PACRG: variants seen among roughly 807,000 people sequenced by gnomAD.
PACRG encodes the protein parkin coregulated.
A neutral mutation model predicts 29.7 loss-of-function variants in PACRG; 29 were observed. That is an observed-to-expected ratio of 0.98 (90% confidence interval 0.73 to 1.33). The LOEUF (loss-of-function observed/expected upper bound fraction) is 1.33, where lower values mean the gene tolerates loss of function less well. Ranked by LOEUF, PACRG falls within the 40% of genes most tolerant of loss-of-function variation. The probability of loss-of-function intolerance (pLI) is 0.00; values close to 1 mark genes in which losing one functional copy is unlikely to be tolerated. For missense variants in PACRG, 279 were observed against 316.2 expected, an observed-to-expected ratio of 0.88 and a Z score of 0.89; for synonymous variants, 116 against 118.7, an observed-to-expected ratio of 0.98 and a Z score of 0.15.
chr6:162,947,595 CATATATATATATAATCATATATATAT>C (rs1799260139), intron 2 of PACRG, among the ~76,000 whole-genome samples: 2 of 27,988 alleles, frequency 7.1e-5, no homozygotes, highest in South Asian at 1.7e-3. Context: ...TATATATAAT[CATATATATATATAATCATATATATAT>C]ATATATATAT....
chr6:162,796,822 A>G (rs1396565694), intron 1 of PACRG, among the ~76,000 whole-genome samples: 1 of 152,218 alleles, frequency 6.6e-6, no homozygotes, highest in Admixed American at 6.5e-5. Context: ...CCTGAAGCCA[A>G]TGCTAAATGA....
chr6:163,072,096 A>G (rs947632463), intron 3 of PACRG, among the ~76,000 whole-genome samples: 1 of 152,084 alleles, frequency 6.6e-6, no homozygotes, highest in Non-Finnish European at 1.5e-5. Flanking sequence ...TAAGGCCAGT[A>G]TTATCCTGAT....
intron 4 of PACRG, among the ~76,000 whole-genome samples, chr6:163,229,610 T>C (rs926186315): frequency 6.6e-6 from 1 of 152,200 alleles, no homozygotes; most frequent in Non-Finnish European, 1.5e-5. Context: ...AGCACCATCG[T>C]TCCCCTTCAG....
chr6:163,269,501 A>G (rs139188360), intron 4 of PACRG, among the ~76,000 whole-genome samples: 155 of 152,160 alleles, frequency 1.0e-3, no homozygotes, highest in African/African-American at 3.5e-3. Flanking sequence ...GGTTCTTCAC[A>G]TTGTTCTTTG....
intron 4 of PACRG, among the ~76,000 whole-genome samples, chr6:163,144,988 A>G (rs1351515839): frequency 6.6e-6 from 1 of 152,052 alleles, no homozygotes. Flanking sequence ...AGCCCTGCTG[A>G]TGTTGAAAGG....
intron 4 of PACRG, among the ~76,000 whole-genome samples, chr6:163,246,904 C>A (rs1232753420): frequency 2.0e-5 from 3 of 152,170 alleles, no homozygotes; most frequent in Non-Finnish European, 4.4e-5. Context: ...TGTGCTTTAA[C>A]AGAATAAGAC....
chr6:163,227,576 G>A (rs181807202), intron 4 of PACRG, among the ~76,000 whole-genome samples: 28 of 152,334 alleles, frequency 1.8e-4, no homozygotes, highest in African/African-American at 6.3e-4. Context: ...CCTTCATGAA[G>A]GAGCAGAGCC....
At chr6:162,980,975 G>A (rs879740950) in intron 2 of PACRG, among the ~76,000 whole-genome samples, 1 of 151,904 alleles carries the variant, frequency 6.6e-6, no homozygotes, top group African/African-American at 2.4e-5. Flanking sequence ...TGAGATTTGG[G>A]TGCACCCATC....
At chr6:163,087,496 G>C (rs962230264) in intron 3 of PACRG, among the ~76,000 whole-genome samples, 1 of 151,212 alleles carries the variant, frequency 6.6e-6, no homozygotes, top group African/African-American at 2.4e-5. Flanking sequence ...CCAGAGGAGA[G>C]GAGGTGAGGA....
At chr6:163,124,898 G>A (rs1258671986) in intron 4 of PACRG, among the ~76,000 whole-genome samples, 4 of 152,130 alleles carry the variant, frequency 2.6e-5, no homozygotes, top group Admixed American at 6.5e-5. Context: ...CTTTTAAAAC[G>A]TCTTTCACAT....
At chr6:163,028,634 T>A (rs1303773192) in intron 2 of PACRG, among the ~76,000 whole-genome samples, 1 of 152,232 alleles carries the variant, frequency 6.6e-6, no homozygotes, top group Non-Finnish European at 1.5e-5. Context: ...ATATTCGTTT[T>A]TTCATATATA....
intron 4 of PACRG, among the ~76,000 whole-genome samples, chr6:163,145,632 G>C (rs2128336201): frequency 6.6e-6 from 1 of 152,312 alleles, no homozygotes; most frequent in South Asian, 2.1e-4. Context: ...CCATGCTGCT[G>C]AACATCCCAC....
At chr6:162,966,476 T>C (rs1801027905) in intron 2 of PACRG, among the ~76,000 whole-genome samples, 1 of 79,900 alleles carries the variant, frequency 1.3e-5, no homozygotes, top group Non-Finnish European at 2.3e-5. Flanking sequence ...GAATGACATG[T>C]ATTTTTTTTT....
chr6:163,226,916 T>C (rs1478834505), intron 4 of PACRG, among the ~76,000 whole-genome samples: 1 of 152,182 alleles, frequency 6.6e-6, no homozygotes, highest in African/African-American at 2.4e-5. Flanking sequence ...ACTGATCCTT[T>C]GTAGTTCATA....
chr6:163,202,284 ATC>A (rs1195346452), intron 4 of PACRG, among the ~76,000 whole-genome samples: 2 of 152,290 alleles, frequency 1.3e-5, no homozygotes, highest in East Asian at 3.9e-4. Context: ...AGCAGTGACT[ATC>A]TCTGAGTCCT....
chr6:162,953,195 A>G (rs1459643333), intron 2 of PACRG, among the ~76,000 whole-genome samples: 1 of 152,182 alleles, frequency 6.6e-6, no homozygotes, highest in East Asian at 1.9e-4. Flanking sequence ...AATCATATTC[A>G]TTGACTTTTA....
intron 2 of PACRG, among the ~76,000 whole-genome samples, chr6:162,908,498 G>A (rs1457639990): frequency 6.6e-6 from 1 of 152,158 alleles, no homozygotes; most frequent in Non-Finnish European, 1.5e-5. Context: ...GCATCACTCA[G>A]TAGGCTCTCC....
At chr6:162,883,745 C>G (rs1349391640) in intron 2 of PACRG, among the ~76,000 whole-genome samples, 1 of 150,812 alleles carries the variant, frequency 6.6e-6, no homozygotes, top group Non-Finnish European at 1.5e-5. Context: ...TACACACATA[C>G]AGTTGACTCT....
At chr6:163,174,923 A>C (rs1779271842) in intron 4 of PACRG, among the ~76,000 whole-genome samples, 1 of 152,164 alleles carries the variant, frequency 6.6e-6, no homozygotes, top group South Asian at 2.1e-4. Flanking sequence ...TTGATACATG[A>C]AGAAACTAAG....
Sources: allele counts gnomAD v4.1 joint callset (sites outside exome capture counted in the v4.1 genomes callset), GRCh38; gene constraint gnomAD v4.1.1; transcripts MANE v1.5; gene names NCBI Gene and HGNC (gene_info 2026-07-23, HGNC 2026-07-21).